The following SLC19A2 variants were observed in gnomAD, a reference collection of about 807,000 sequenced individuals.
The protein encoded by SLC19A2 is thiamine transporter 1.
In SLC19A2, 27 loss-of-function variants were observed where a neutral mutation model predicts 44.7. That is an observed-to-expected ratio of 0.60 (90% confidence interval 0.45 to 0.83). The LOEUF (loss-of-function observed/expected upper bound fraction) is 0.83. SLC19A2 is among the 40% of genes least tolerant of loss of function. The pLI, the probability that SLC19A2 is intolerant of heterozygous loss-of-function variation, is 0.00. For synonymous variants in SLC19A2, 239 were observed against 243.6 expected (o/e 0.98, Z 0.18); for missense variants, 566 against 613.7 (o/e 0.92, Z 0.82).
intron 3 of SLC19A2, 52 bp downstream of exon 3, chr1:169,469,912 A>C: frequency 1.3e-6 from 2 of 1,514,322 alleles, no homozygotes; most frequent in South Asian, 2.3e-5. Flanking sequence ...TGGCTTAACT[A>C]CCAGAGGAAT....
intron 5 of SLC19A2, 67 bp downstream of exon 5, chr1:169,468,044 T>C: frequency 6.6e-7 from 1 of 1,519,400 alleles, no homozygotes; most frequent in South Asian, 1.1e-5. Context: ...TCATTAAGCA[T>C]ACATATACTT....
chr1:169,469,345 C>T lies in SLC19A2; in HGVS notation c.1031-509G>A, dbSNP rs1453158769. On this transcript the variant is annotated intron_variant, in intron 3 of 5. Transcript: ENST00000236137. ...ACAGAAATCATATAACACCATCCAA[C>T]AACCTCAGGAGGTAGGTCAACAAAT... 1.2e-4 allele frequency: 22 copies of T among 183,200 alleles called. 1 individual carries two copies. The highest frequency in any genetic ancestry group is 2.4e-4 in the Non-Finnish European group (21 of 87,202). The allele number at this position is 183,200 out of a possible 1,614,324, so 11.3% of individuals were successfully genotyped here.
intron 2 of SLC19A2, among the ~76,000 whole-genome samples, chr1:169,472,389 A>G (rs1035256831): frequency 2.0e-5 from 3 of 152,210 alleles, no homozygotes; most frequent in Admixed American, 2.0e-4. Flanking sequence ...GGAAGAATGG[A>G]ACTATTAAAA....
chr1:169,485,754 C>T lies in SLC19A2; in HGVS notation c.13G>A (p.Gly5Ser). ...GCCGCCGCCCGCCGAGACACCGGGC[C>T]GGGCACATCCATCCGGGGCGCGAGG... MDVP[G>S]PVSRRAAAAA... The change falls in exon 1 of 6, where the codon GGC becomes AGC. Residue 5 changes from glycine to serine, a missense_variant. Gly to Ser is a moderately conservative substitution (Grantham distance 56, BLOSUM62 0). Coordinates refer to ENST00000236137, the MANE Select transcript of SLC19A2 (RefSeq NM_006996.3). 1.3e-6 allele frequency: 2 copies of T among 1,534,586 alleles called. No individual in the cohort carries two copies. The highest frequency in any genetic ancestry group is 2.4e-5 in the South Asian group (2 of 83,784).
At chr1:169,469,887 A>C in intron 3 of SLC19A2, 77 bp downstream of exon 3, 1 of 1,365,008 alleles carries the variant, frequency 7.3e-7, no homozygotes, top group Non-Finnish European at 1.0e-6. Flanking sequence ...AGGGGTGAAT[A>C]AATCTGATTA....
chr1:169,481,292 G>A (rs1454748875), intron 1 of SLC19A2, among the ~76,000 whole-genome samples: 1 of 152,220 alleles, frequency 6.6e-6, no homozygotes, highest in Non-Finnish European at 1.5e-5. Flanking sequence ...TAAGTGAATT[G>A]TCCCAAGTTA....
chr1:169,481,993 G>A (rs867495228), intron 1 of SLC19A2, among the ~76,000 whole-genome samples: 4 of 152,136 alleles, frequency 2.6e-5, no homozygotes, highest in African/African-American at 4.8e-5. Flanking sequence ...GAGGTCAGGC[G>A]TTCGAGACCA....
chr1:169,468,732 T>TCAGGAGAG lies in SLC19A2; in HGVS notation c.1134_1135insCTCTCCTG (p.Ile379LeufsTer3). ...CAAATGTTACCCACAGTGTCCATGA[T>TCAGGAGAG]ATACACTGCAGCAGCAATCAGGAGA... On this transcript the variant is annotated frameshift_variant, in exon 4 of 6. Transcript: ENST00000236137. LOFTEE classifies it high-confidence loss of function. 1 of 1,613,776 alleles carries TCAGGAGAG rather than the reference T, an allele frequency of 6.2e-7. No individual in the cohort carries two copies. The highest frequency in any genetic ancestry group is 8.5e-7 in the Non-Finnish European group (1 of 1,179,760).
At chr1:169,480,931 A>G (rs1379054227) in intron 1 of SLC19A2, among the ~76,000 whole-genome samples, 1 of 152,232 alleles carries the variant, frequency 6.6e-6, no homozygotes, top group African/African-American at 2.4e-5. Context: ...TACTATTACA[A>G]AACTACAATT....
At position 169,469,758 on chromosome 1, in the gene SLC19A2, T is replaced by TA. The variant is rs547171875; in HGVS notation, c.1030+205dup. 1.9e-3 allele frequency among the ~76,000 whole-genome samples: 285 copies of TA among 152,312 alleles called. 2 individuals are homozygous for TA. Among genetic ancestry groups the TA allele is most frequent in the African/African-American group, 6.6e-3 (276 of 41,560 alleles). ...TTATATTAGGTTTACTCAAAGCTTATAAAAAAATTCCAGTTTGTTAGTCAT... is the reference window on the plus strand; with the variant it reads ...TTATATTAGGTTTACTCAAAGCTTATAAAAAAAATTCCAGTTTGTTAGTCAT... On this transcript the variant is annotated intron_variant, in intron 3 of 5. Coordinates refer to ENST00000236137, the MANE Select transcript of SLC19A2 (RefSeq NM_006996.3).
chr1:169,475,431 G>A (rs1292943313), intron 2 of SLC19A2, among the ~76,000 whole-genome samples: 1 of 151,812 alleles, frequency 6.6e-6, no homozygotes, highest in Non-Finnish European at 1.5e-5. Context: ...ATTCAAAAAA[G>A]TTTGAAACTG....
rs138896442 is a variant in SLC19A2 at position 169,469,570 on chromosome 1, A to G, written c.1030+394T>C. Reference sequence around the variant, plus strand: ...TTGTGAGGATTGAGTTAATGTATATAATGTCCATAGAACAGTACCTAGCAC... The same window carrying G: ...TTGTGAGGATTGAGTTAATGTATATGATGTCCATAGAACAGTACCTAGCAC... On this transcript the variant is annotated intron_variant, in intron 3 of 5. Transcript: ENST00000236137. Among the ~76,000 whole-genome samples, 540 of 152,298 alleles carry G rather than the reference A, an allele frequency of 3.5e-3. 5 individuals carry two copies. The highest frequency in any genetic ancestry group is 0.012 in the African/African-American group (502 of 41,562).
At chr1:169,478,523 ATTT>A (rs35141285) in intron 1 of SLC19A2, among the ~76,000 whole-genome samples, 1,120 of 66,536 alleles carry the variant, frequency 0.017, 21 homozygotes, top group African/African-American at 0.069. Context: ...CAACCAGCTA[ATTT>A]TTTTTTTTTT....
At position 169,468,151 on chromosome 1, in the gene SLC19A2, ACAATTAGAGTGAG is replaced by A; in HGVS notation, c.1312_1324del (p.Leu438TrpfsTer2). 4.3e-6 allele frequency: 7 copies of A among 1,614,036 alleles called. No homozygotes were observed. The highest frequency in any genetic ancestry group is 5.1e-6 in the Non-Finnish European group (6 of 1,179,914). On this transcript the variant is annotated frameshift_variant, in exon 5 of 6. Coordinates refer to ENST00000236137, the MANE Select transcript of SLC19A2 (RefSeq NM_006996.3). LOFTEE classifies it high-confidence loss of function. The stretch of plus-strand genomic sequence containing the variant: ...TAATCCAAGGCCACTGGCATCTACC[ACAATTAGAGTGAG>A]CAGCGTCTGCAGTGCCAGGGCAATG...
In SLC19A2 at chr1:169,477,746, T is replaced by G. The variant is rs1289398723; in HGVS notation, c.216A>C (p.Glu72Asp). 2 of 1,611,986 alleles carry G rather than the reference T, an allele frequency of 1.2e-6. No homozygotes were observed. The highest frequency in any genetic ancestry group is 4.5e-5 in the East Asian group (2 of 44,850). Reference protein sequence around the residue: ...KNLTEREVFNEIYPVWTYSYL... With the variant: ...KNLTEREVFNDIYPVWTYSYL... ...AAGAGTAAGTCCATACTGGATAAATTTCATTGAAGACCTGGTAGAAAGAGA... is the reference window on the plus strand; with the variant it reads ...AAGAGTAAGTCCATACTGGATAAATGTCATTGAAGACCTGGTAGAAAGAGA... The change falls in exon 2 of 6, where the codon GAA becomes GAC. Residue 72 changes from glutamate (E) to aspartate (D), a missense_variant. Transcript: ENST00000236137.
Position 169,468,270 on chromosome 1 carries a change from G to A in SLC19A2, c.1224-18C>T, listed in dbSNP as rs754724464. 18 of 1,601,646 alleles carry A rather than the reference G, an allele frequency of 1.1e-5. 1 individual carries two copies. In the East Asian group the frequency reaches 4.0e-4, roughly 36 times the overall value. On this transcript the variant is annotated intron_variant, in intron 4 of 5. Transcript: ENST00000236137. ...TTTGAAAACTTAAAAAAAAATAAAA[G>A]AGTGAATAAATAAGAATTACTTCTG...
chr1:169,471,294 T>C (rs1658170673), intron 2 of SLC19A2, among the ~76,000 whole-genome samples: 2 of 151,990 alleles, frequency 1.3e-5, no homozygotes. Flanking sequence ...GTTCAGGTGA[T>C]TTTTTATTTT....
chr1:169,475,936 A>G (rs1251078409), intron 2 of SLC19A2, among the ~76,000 whole-genome samples: 3 of 152,202 alleles, frequency 2.0e-5, no homozygotes, highest in Non-Finnish European at 2.9e-5. Flanking sequence ...GTAGAGAATG[A>G]AAGACTTTAC....
intron 1 of SLC19A2, among the ~76,000 whole-genome samples, chr1:169,479,003 G>A (rs989827521): frequency 6.6e-6 from 1 of 152,040 alleles, no homozygotes; most frequent in Non-Finnish European, 1.5e-5. Context: ...CCAGAGTTGA[G>A]AACAACTGCC....
Sources: gnomAD v4.1 joint callset for allele counts (sites outside exome capture counted in the v4.1 genomes callset) on GRCh38, gnomAD v4.1.1 for gene constraint, MANE v1.5 for transcripts, NCBI Gene and HGNC (gene_info 2026-07-23, HGNC 2026-07-21) for gene names.